ABI2: variants seen among roughly 807,000 people sequenced by gnomAD.
ABI2 encodes abelson interactor 2.
In ABI2, 25 loss-of-function variants were observed where a neutral mutation model predicts 59.2. That is an observed-to-expected ratio of 0.42 (90% CI 0.31 to 0.59). The LOEUF (loss-of-function observed/expected upper bound fraction) is 0.59, where lower values mean the gene tolerates loss of function less well. ABI2 is among the 20% of genes least tolerant of loss of function. The pLI, the probability that ABI2 is intolerant of heterozygous loss-of-function variation, is 0.14. For missense variants in ABI2, 545 were observed against 681.8 expected, an observed-to-expected ratio of 0.80 and a Z score of 2.23; for synonymous variants, 213 against 235.5, an observed-to-expected ratio of 0.90 and a Z score of 0.87.
intron 7 of ABI2, among the ~76,000 whole-genome samples, chr2:203,396,104 A>G (rs2096970591): frequency 6.6e-6 from 1 of 152,186 alleles, no homozygotes; most frequent in South Asian, 2.1e-4. Context: ...TGTGAGAACC[A>G]TATTAGTAAC....
chr2:203,408,833 C>CTTTTTTTTTTTT (rs1156536730), intron 9 of ABI2, among the ~76,000 whole-genome samples: 9,844 of 86,344 alleles, frequency 0.11, 2,747 homozygotes, highest in Non-Finnish European at 0.16. Flanking sequence ...CTTCTCCTTT[C>CTTTTTTTTTTTT]TTTTTTTTTT....
chr2:203,358,023 C>G (rs2092603362), intron 1 of ABI2, among the ~76,000 whole-genome samples: 1 of 151,596 alleles, frequency 6.6e-6, no homozygotes, highest in South Asian at 2.1e-4. Flanking sequence ...CCGCCTCAGC[C>G]TCCTGAAGTG....
Position 203,366,995 on chromosome 2 carries a change from A to G in ABI2, c.236A>G (p.Gln79Arg). 1.9e-6 allele frequency: 3 copies of G among 1,613,820 alleles called. No homozygotes were observed. Among genetic ancestry groups the G allele is most frequent in the Non-Finnish European group, 2.5e-6 (3 of 1,179,866 alleles). The change falls in exon 2 of 12, where the codon CAG becomes CGG. Residue 79 changes from glutamine to arginine, a missense_variant. Transcript: ENST00000261018. ...ANNVLQMLDI[Q>R]ASQLRRMESS... is the part of the protein sequence containing the mutation. ...AATGTCCTGCAGATGCTGGATATCC[A>G]GGCATCCCAGCTACGAAGGATGGAA...
At chr2:203,391,691 T>G (rs932934433) in intron 5 of ABI2, among the ~76,000 whole-genome samples, 2 of 151,830 alleles carry the variant, frequency 1.3e-5, no homozygotes, top group Admixed American at 6.6e-5. Flanking sequence ...TGTGGTGGCA[T>G]GCACCTGTAG....
rs151293320 is a variant in ABI2, at chr2:203,408,265, C to T, written c.1193-3020C>T. ...GCAGCCTCTACCTCCTGGGTTCAAGCGATTCTCCTGGTTCAGCCTCCCGAG... is the reference window on the plus strand; with the variant it reads ...GCAGCCTCTACCTCCTGGGTTCAAGTGATTCTCCTGGTTCAGCCTCCCGAG... On this transcript the variant is annotated intron_variant, in intron 9 of 11. Coordinates refer to ENST00000261018, the MANE Select transcript of ABI2 (RefSeq NM_001375670.1). Among the ~76,000 whole-genome samples the T allele has an allele frequency of 5.9e-3, 889 of 151,166 alleles. 31 individuals are homozygous for T. In the East Asian group the frequency reaches 0.097, roughly 16 times the overall value.
At chr2:203,348,876 A>T (rs1283302060) in intron 1 of ABI2, among the ~76,000 whole-genome samples, 1 of 152,036 alleles carries the variant, frequency 6.6e-6, no homozygotes, top group Non-Finnish European at 1.5e-5. Flanking sequence ...TTTAAAAAAT[A>T]GTACAAAGCC....
intron 1 of ABI2, among the ~76,000 whole-genome samples, chr2:203,359,464 T>A (rs889913369): frequency 3.3e-5 from 5 of 152,208 alleles, no homozygotes; most frequent in Non-Finnish European, 7.3e-5. Context: ...TCAATATTTT[T>A]AAAATCTGTT....
chr2:203,385,013 T>C (rs1273165079), intron 4 of ABI2, among the ~76,000 whole-genome samples: 1 of 151,934 alleles, frequency 6.6e-6, no homozygotes, highest in Admixed American at 6.6e-5. Context: ...TTGTGTACTT[T>C]TAGTAGAGAC....
intron 7 of ABI2, 48 bp from the exon 8 acceptor site, chr2:203,396,737 C>T (rs2097006098): frequency 2.0e-6 from 3 of 1,470,402 alleles, no homozygotes; most frequent in Non-Finnish European, 2.7e-6. Context: ...AATCCTGCCT[C>T]ATGTGATTGC....
chr2:203,330,278 G>A (rs891358373), intron 1 of ABI2, among the ~76,000 whole-genome samples: 8 of 151,612 alleles, frequency 5.3e-5, no homozygotes, highest in Admixed American at 2.6e-4. Context: ...AGGAATGTAG[G>A]CAAGATTAAT....
chr2:203,380,630 A>G (rs925036745), intron 3 of ABI2, among the ~76,000 whole-genome samples: 5 of 152,176 alleles, frequency 3.3e-5, no homozygotes, highest in African/African-American at 9.6e-5. Flanking sequence ...AATACCTCCT[A>G]TGGTTTGAGT....
At chr2:203,353,404 T>TA (rs1398353208) in intron 1 of ABI2, among the ~76,000 whole-genome samples, 3 of 152,222 alleles carry the variant, frequency 2.0e-5, no homozygotes, top group African/African-American at 7.2e-5. Context: ...GCAGTTTTAT[T>TA]AGATACCAAA....
chr2:203,362,243 C>A (rs2093616662), intron 1 of ABI2, among the ~76,000 whole-genome samples: 2 of 152,094 alleles, frequency 1.3e-5, no homozygotes, highest in Non-Finnish European at 2.9e-5. Flanking sequence ...GTCTGTTTTT[C>A]ATCTAAGCAT....
intron 2 of ABI2, among the ~76,000 whole-genome samples, chr2:203,367,877 G>A (rs1283947638): frequency 6.6e-6 from 1 of 151,744 alleles, no homozygotes; most frequent in Non-Finnish European, 1.5e-5. Flanking sequence ...GGTGGTGCAC[G>A]CCTGTTGTCC....
At chr2:203,357,340 CA>C (rs1255784828) in intron 1 of ABI2, among the ~76,000 whole-genome samples, 2 of 152,174 alleles carry the variant, frequency 1.3e-5, no homozygotes, top group African/African-American at 4.8e-5. Context: ...AACAATAACT[CA>C]GATGCCCTTA....
intron 1 of ABI2, among the ~76,000 whole-genome samples, chr2:203,349,181 G>T (rs2152708258): frequency 6.6e-6 from 1 of 151,932 alleles, no homozygotes; most frequent in East Asian, 1.9e-4. Flanking sequence ...AACTCAAACA[G>T]TCTGCCTGCC....
At chr2:203,337,197 G>A (rs2076847295) in intron 1 of ABI2, among the ~76,000 whole-genome samples, 1 of 152,170 alleles carries the variant, frequency 6.6e-6, no homozygotes, top group Non-Finnish European at 1.5e-5. Flanking sequence ...ATTGGAAGAA[G>A]TTAAATTGTC....
In ABI2 at chr2:203,411,325, T is replaced by G; in HGVS notation, c.1233T>G (p.Thr411=). ...APPPPSILQV[T]PQLPLMGFVA... Reference sequence around the variant, plus strand: ...CTCCTCCCTCCATCCTACAGGTAACTCCTCAGTTACCTTTAATGGGATTTG... The same window carrying G: ...CTCCTCCCTCCATCCTACAGGTAACGCCTCAGTTACCTTTAATGGGATTTG... Residue 411 remains threonine, a synonymous_variant, in exon 10 of 12, where the codon ACT becomes ACG. Coordinates refer to ENST00000261018, the MANE Select transcript of ABI2 (RefSeq NM_001375670.1). 1.9e-6 allele frequency: 3 copies of G among 1,613,808 alleles called. No individual in the cohort carries two copies. The highest frequency in any genetic ancestry group is 2.5e-6 in the Non-Finnish European group (3 of 1,179,794).
intron 1 of ABI2, among the ~76,000 whole-genome samples, chr2:203,338,945 T>TATATATATAA (rs2077946321): frequency 7.1e-5 from 3 of 42,552 alleles, no homozygotes; most frequent in African/African-American, 3.2e-4. Flanking sequence ...TATATATATA[T>TATATATATAA]ATATATATAT....
Sources: allele counts gnomAD v4.1 joint callset (sites outside exome capture counted in the v4.1 genomes callset), GRCh38; gene constraint gnomAD v4.1.1; transcripts MANE v1.5; gene names NCBI Gene and HGNC (gene_info 2026-07-23, HGNC 2026-07-21).